Variants in NTM observed in about 807,000 individuals in gnomAD.
NTM encodes neurotrimin.
In NTM, 13 loss-of-function variants were observed where a neutral mutation model predicts 42.1. The observed-to-expected ratio is 0.31, with a 90% CI of 0.20 to 0.49. The LOEUF (loss-of-function observed/expected upper bound fraction) is 0.49, where lower values mean the gene tolerates loss of function less well. Among genes scored for constraint, NTM ranks in the 20% least tolerant of loss-of-function variants. NTM has a pLI of 0.99. For synonymous variants in NTM, 187 were observed against 179.2 expected, an observed-to-expected ratio of 1.04 and a Z score of -0.35; for missense variants, 373 against 452.8, an observed-to-expected ratio of 0.82 and a Z score of 1.60.
chr11:131,424,033 C>G (rs1947804846), intron 1 of NTM, among the ~76,000 whole-genome samples: 2 of 152,160 alleles, frequency 1.3e-5, no homozygotes, highest in African/African-American at 4.8e-5. Flanking sequence ...CTTCACCCTC[C>G]CTTCTGAGTG....
intron 4 of NTM, among the ~76,000 whole-genome samples, chr11:132,286,000 A>G (rs909737435): frequency 1.1e-4 from 17 of 152,190 alleles, no homozygotes; most frequent in African/African-American, 4.1e-4. Flanking sequence ...CTGCAAACTA[A>G]GAGCTTCCAT....
chr11:131,454,405 A>G (rs573392593), intron 1 of NTM, among the ~76,000 whole-genome samples: 41 of 152,232 alleles, frequency 2.7e-4, no homozygotes, highest in Non-Finnish European at 4.3e-4. Context: ...TCTCTTAAAA[A>G]CAAAATATTT....
intron 1 of NTM, among the ~76,000 whole-genome samples, chr11:131,698,481 C>T (rs2695833): frequency 0.16 from 24,209 of 152,090 alleles, 2,028 homozygotes; most frequent in South Asian, 0.22. Flanking sequence ...TCATTTCACC[C>T]GCATAACAAC....
intron 1 of NTM, among the ~76,000 whole-genome samples, chr11:131,518,214 G>T (rs761691370): frequency 6.6e-6 from 1 of 152,122 alleles, no homozygotes; most frequent in Non-Finnish European, 1.5e-5. Context: ...AATGGATTTT[G>T]ATTTGACAGC....
At chr11:131,706,229 A>C (rs182266634) in intron 1 of NTM, among the ~76,000 whole-genome samples, 1 of 152,024 alleles carries the variant, frequency 6.6e-6, no homozygotes, top group Admixed American at 6.5e-5. Context: ...AAATTGTCAG[A>C]AGAGACCAAA....
At chr11:131,799,460 A>G (rs934708725) in intron 1 of NTM, among the ~76,000 whole-genome samples, 2 of 152,186 alleles carry the variant, frequency 1.3e-5, no homozygotes, top group African/African-American at 4.8e-5. Context: ...CTATATCCTC[A>G]GGTAATGTGG....
intron 1 of NTM, among the ~76,000 whole-genome samples, chr11:131,752,460 C>T (rs1292204673): frequency 6.6e-6 from 1 of 152,192 alleles, no homozygotes; most frequent in Non-Finnish European, 1.5e-5. Context: ...ACTAGTTCAA[C>T]CATTGTGGAA....
intron 1 of NTM, among the ~76,000 whole-genome samples, chr11:131,396,234 C>T (rs1261584841): frequency 5.9e-5 from 9 of 152,170 alleles, no homozygotes; most frequent in East Asian, 5.8e-4. Context: ...ACCTACAAAA[C>T]GGGGTCCATA....
chr11:131,403,940 G>A (rs1031973318), intron 1 of NTM, among the ~76,000 whole-genome samples: 1 of 152,044 alleles, frequency 6.6e-6, no homozygotes, highest in South Asian at 2.1e-4. Context: ...TCCCCTCAAG[G>A]ATTTCAATCC....
intron 1 of NTM, among the ~76,000 whole-genome samples, chr11:131,815,339 T>A (rs1321718503): frequency 6.6e-6 from 1 of 152,024 alleles, no homozygotes; most frequent in Non-Finnish European, 1.5e-5. Context: ...TCTTGTATGC[T>A]GGGCCAGCTT....
intron 2 of NTM, among the ~76,000 whole-genome samples, chr11:131,931,186 A>G (rs2058560789): frequency 6.6e-6 from 1 of 152,124 alleles, no homozygotes; most frequent in Non-Finnish European, 1.5e-5. Context: ...GGTGGCTTAC[A>G]TCTGTAATCC....
At chr11:131,804,748 T>A (rs2092384674) in intron 1 of NTM, among the ~76,000 whole-genome samples, 1 of 152,206 alleles carries the variant, frequency 6.6e-6, no homozygotes, top group Non-Finnish European at 1.5e-5. Flanking sequence ...AAAATTCATG[T>A]GTCGAAGCTT....
At chr11:131,739,484 G>A (rs573362627) in intron 1 of NTM, among the ~76,000 whole-genome samples, 1 of 152,174 alleles carries the variant, frequency 6.6e-6, no homozygotes, top group African/African-American at 2.4e-5. Context: ...AAAGGTTTGT[G>A]TCTCTTAGCT....
intron 1 of NTM, among the ~76,000 whole-genome samples, chr11:131,781,690 C>A (rs112200743): frequency 2.0e-5 from 3 of 152,212 alleles, no homozygotes; most frequent in African/African-American, 7.2e-5. Context: ...TAGAAACTGG[C>A]ACAAAATATA....
intron 2 of NTM, among the ~76,000 whole-genome samples, chr11:131,918,002 A>T (rs2056662433): frequency 1.3e-5 from 2 of 152,242 alleles, no homozygotes; most frequent in Admixed American, 1.3e-4. Context: ...AACACCCCTC[A>T]TCTAAACCGT....
chr11:131,471,569 T>C (rs569728203), intron 1 of NTM, among the ~76,000 whole-genome samples: 4 of 152,352 alleles, frequency 2.6e-5, no homozygotes, highest in Middle Eastern at 3.4e-3. Context: ...GGAATTAGTC[T>C]TATATTTATA....
At chr11:131,934,813 A>C (rs912393501) in intron 2 of NTM, among the ~76,000 whole-genome samples, 3 of 152,230 alleles carry the variant, frequency 2.0e-5, no homozygotes, top group African/African-American at 4.8e-5. Flanking sequence ...TGTGTGCAGC[A>C]GCATAGACAA....
chr11:131,694,862 A>G (rs952869748), intron 1 of NTM, among the ~76,000 whole-genome samples: 2 of 152,272 alleles, frequency 1.3e-5, no homozygotes, highest in Admixed American at 6.5e-5. Flanking sequence ...TCAGCTGACA[A>G]TGTAGGAATC....
At chr11:132,022,386 G>C (rs1282700382) in intron 2 of NTM, among the ~76,000 whole-genome samples, 1 of 152,082 alleles carries the variant, frequency 6.6e-6, no homozygotes, top group Non-Finnish European at 1.5e-5. Flanking sequence ...TCTTTATTTA[G>C]CACTGTTCTC....
Sources: allele counts gnomAD v4.1 joint callset (sites outside exome capture counted in the v4.1 genomes callset), GRCh38; gene constraint gnomAD v4.1.1; transcripts MANE v1.5; gene names NCBI Gene and HGNC (gene_info 2026-07-23, HGNC 2026-07-21).